The following FAM135B variants were observed in gnomAD, a reference collection of about 807,000 sequenced individuals.
The protein encoded by FAM135B is protein FAM135B.
In FAM135B, 43 loss-of-function variants were observed where a neutral mutation model predicts 127.7. The ratio of observed to expected loss-of-function variants is 0.34; its 90% CI spans 0.26 to 0.43. FAM135B has a LOEUF of 0.43. Among genes scored for constraint, FAM135B ranks in the 20% least tolerant of loss-of-function variants. FAM135B has a pLI of 1.00. For synonymous variants in FAM135B, 670 were observed against 665.1 expected, an observed-to-expected ratio of 1.01 and a Z score of -0.11; for missense variants, 1,558 against 1,725.6, an observed-to-expected ratio of 0.90 and a Z score of 1.72.
chr8:138,334,669 T>G (rs1378187347), intron 2 of FAM135B, among the ~76,000 whole-genome samples: 1 of 152,170 alleles, frequency 6.6e-6, no homozygotes, highest in Non-Finnish European at 1.5e-5. Flanking sequence ...CTGCATTAGT[T>G]TGGTATGAAT....
chr8:138,411,935 C>T (rs939303714), intron 1 of FAM135B, among the ~76,000 whole-genome samples: 1 of 152,120 alleles, frequency 6.6e-6, no homozygotes. Flanking sequence ...CAGCTGGAGG[C>T]CATTTTCCTA....
chr8:138,397,483 T>C (rs1832915946), intron 1 of FAM135B, among the ~76,000 whole-genome samples: 1 of 152,226 alleles, frequency 6.6e-6, no homozygotes. Flanking sequence ...CTTTAAATAG[T>C]TGATTTCATA....
chr8:138,401,202 T>C (rs1393075459), intron 1 of FAM135B, among the ~76,000 whole-genome samples: 1 of 152,186 alleles, frequency 6.6e-6, no homozygotes, highest in Non-Finnish European at 1.5e-5. Context: ...GAGATGATGA[T>C]TCCCTCTGTA....
At chr8:138,428,370 G>A (rs4909795) in intron 1 of FAM135B, among the ~76,000 whole-genome samples, 10,250 of 152,062 alleles carry the variant, frequency 0.067, 775 homozygotes, top group East Asian at 0.26. Flanking sequence ...CTGAAATTAC[G>A]AACTTTCAGA....
At chr8:138,335,339 T>C (rs1163297692) in intron 2 of FAM135B, among the ~76,000 whole-genome samples, 1 of 152,180 alleles carries the variant, frequency 6.6e-6, no homozygotes, top group Non-Finnish European at 1.5e-5. Flanking sequence ...TCTTATTATT[T>C]TCTTTGTGTA....
At chr8:138,177,470 C>A in intron 10 of FAM135B, 50 bp from the exon 11 acceptor site, 1 of 1,475,150 alleles carries the variant, frequency 6.8e-7, no homozygotes, top group Middle Eastern at 1.9e-4. Flanking sequence ...TAGGTATTAC[C>A]TGCACTTTCT....
At chr8:138,413,590 T>C (rs1833980196) in intron 1 of FAM135B, among the ~76,000 whole-genome samples, 1 of 152,228 alleles carries the variant, frequency 6.6e-6, no homozygotes, top group Non-Finnish European at 1.5e-5. Flanking sequence ...CAGTGCTTAA[T>C]ACTCTTCATT....
At chr8:138,247,421 T>A (rs2130446407) in intron 6 of FAM135B, among the ~76,000 whole-genome samples, 1 of 152,298 alleles carries the variant, frequency 6.6e-6, no homozygotes, top group African/African-American at 2.4e-5. Context: ...GCTCACAAGA[T>A]CTGATGGTTT....
intron 1 of FAM135B, among the ~76,000 whole-genome samples, chr8:138,399,086 C>A (rs906886424): frequency 6.6e-6 from 1 of 152,000 alleles, no homozygotes; most frequent in Non-Finnish European, 1.5e-5. Context: ...TTTTAAGACC[C>A]CTGATTTAGG....
intron 3 of FAM135B, among the ~76,000 whole-genome samples, chr8:138,302,969 G>A (rs182318197): frequency 1.8e-4 from 28 of 152,330 alleles, no homozygotes; most frequent in Non-Finnish European, 3.1e-4. Context: ...AAATAGGAAC[G>A]CTTTTACACT....
chr8:138,432,233 T>C (rs893063167), intron 1 of FAM135B, among the ~76,000 whole-genome samples: 1 of 152,176 alleles, frequency 6.6e-6, no homozygotes, highest in South Asian at 2.1e-4. Flanking sequence ...TTATAAAACG[T>C]GTTCAGAGAA....
intron 12 of FAM135B, among the ~76,000 whole-genome samples, chr8:138,159,916 C>A (rs1819191083): frequency 6.6e-6 from 1 of 152,088 alleles, no homozygotes; most frequent in African/African-American, 2.4e-5. Context: ...ACACTATATG[C>A]TAATAAGTTA....
At chr8:138,142,868 G>A (rs1429787047) in intron 16 of FAM135B, 144 bp downstream of exon 16, 1 of 589,174 alleles carries the variant, frequency 1.7e-6, no homozygotes, top group Admixed American at 3.0e-5. Flanking sequence ...ACTTACTTCT[G>A]CTTTAAAAGT....
At chr8:138,406,683 G>T (rs1587370983) in intron 1 of FAM135B, among the ~76,000 whole-genome samples, 1 of 151,562 alleles carries the variant, frequency 6.6e-6, no homozygotes, top group Non-Finnish European at 1.5e-5. Context: ...AATAGATGCA[G>T]AAAAGGCCTT....
At chr8:138,435,834 AAGGAGGGG>A (rs1302950309) in intron 1 of FAM135B, among the ~76,000 whole-genome samples, 3 of 152,150 alleles carry the variant, frequency 2.0e-5, no homozygotes, top group Non-Finnish European at 2.9e-5. Flanking sequence ...GACTTAAGCA[AAGGAGGGG>A]AGACTTCAAA....
intron 1 of FAM135B, among the ~76,000 whole-genome samples, chr8:138,374,418 A>G (rs1831336912): frequency 6.6e-6 from 1 of 152,264 alleles, no homozygotes; most frequent in South Asian, 2.1e-4. Context: ...TTTTGGAAAC[A>G]TAGCATGTTA....
intron 15 of FAM135B, among the ~76,000 whole-genome samples, chr8:138,144,778 GT>G (rs1051840347): frequency 1.3e-5 from 2 of 152,168 alleles, no homozygotes; most frequent in Non-Finnish European, 2.9e-5. Context: ...AAGACCTGAG[GT>G]TTCCAGGTTG....
At chr8:138,290,655 C>T (rs923311076) in intron 3 of FAM135B, among the ~76,000 whole-genome samples, 1 of 152,002 alleles carries the variant, frequency 6.6e-6, no homozygotes, top group Non-Finnish European at 1.5e-5. Flanking sequence ...CTCATTGTAG[C>T]AGTGTTGGGT....
intron 4 of FAM135B, among the ~76,000 whole-genome samples, chr8:138,260,984 A>ATGCT (rs1319452726): frequency 1.3e-5 from 2 of 152,068 alleles, no homozygotes; most frequent in Admixed American, 1.3e-4. Context: ...CTTAGCAACA[A>ATGCT]TGCTTTCTTT....
Sources: gnomAD v4.1 joint callset for allele counts (sites outside exome capture counted in the v4.1 genomes callset) on GRCh38, gnomAD v4.1.1 for gene constraint, MANE v1.5 for transcripts, NCBI Gene and HGNC (gene_info 2026-07-23, HGNC 2026-07-21) for gene names.